Variants in TOX observed in about 807,000 individuals in gnomAD.
The protein encoded by TOX is thymocyte selection-associated high mobility group box protein TOX.
A neutral mutation model predicts 53.7 loss-of-function variants in TOX; 11 were observed. The ratio of observed to expected loss-of-function variants is 0.20; its 90% CI spans 0.13 to 0.34. The LOEUF is 0.34. Ranked by LOEUF, TOX falls within the 10% of genes least tolerant of loss-of-function variation. The probability of loss-of-function intolerance (pLI) is 1.00; values close to 1 mark genes in which losing one functional copy is unlikely to be tolerated. For missense variants in TOX, 570 were observed against 664.6 expected, an observed-to-expected ratio of 0.86 and a Z score of 1.56; for synonymous variants, 225 against 245.3, an observed-to-expected ratio of 0.92 and a Z score of 0.77.
intron 3 of TOX, among the ~76,000 whole-genome samples, chr8:58,864,066 T>C (rs1811056293): frequency 6.6e-6 from 1 of 152,154 alleles, no homozygotes; most frequent in Non-Finnish European, 1.5e-5. Context: ...TCTAATTGTT[T>C]GACAGTCAGT....
At chr8:58,936,340 A>T (rs1812344668) in intron 3 of TOX, among the ~76,000 whole-genome samples, 1 of 151,324 alleles carries the variant, frequency 6.6e-6, no homozygotes, top group Admixed American at 6.6e-5. Flanking sequence ...AGAGTATAAA[A>T]CTCTTTCAAC....
rs1805123443 is a variant in TOX, at chr8:59,117,503, C to G, written c.102+1383G>C. Among the ~76,000 whole-genome samples the G allele has an allele frequency of 6.6e-6, 1 of 152,238 alleles. No individual in the cohort carries two copies. The highest frequency in any genetic ancestry group is 2.1e-4 in the South Asian group (1 of 4,830). On this transcript the variant is annotated intron_variant, in intron 1 of 8. Coordinates refer to ENST00000361421, the MANE Select transcript of TOX (RefSeq NM_014729.3). This position sits in a 1 kb window ranked among gnomAD's most constrained non-coding sequence, Gnocchi z 4.6. ...CTTTGAGTGGGTCTCACACTGGACA[C>G]AGCATCGAGGAGCTTCTCCACGGGG...
At chr8:59,040,842 C>T (rs1803568975) in intron 1 of TOX, among the ~76,000 whole-genome samples, 1 of 152,218 alleles carries the variant, frequency 6.6e-6, no homozygotes, top group South Asian at 2.1e-4. Flanking sequence ...GACCCTCCCA[C>T]TCCCCTCACT....
At chr8:59,025,487 T>C (rs76753914) in intron 1 of TOX, among the ~76,000 whole-genome samples, 2,540 of 151,012 alleles carry the variant, frequency 0.017, 71 homozygotes, top group African/African-American at 0.058. Context: ...TTTACGTTCT[T>C]AGCCAGGCAC....
intron 1 of TOX, among the ~76,000 whole-genome samples, chr8:59,041,707 G>A (rs942309829): frequency 6.6e-6 from 1 of 152,126 alleles, no homozygotes; most frequent in African/African-American, 2.4e-5. Flanking sequence ...ACATATGGTA[G>A]GAAAACAATA....
chr8:59,075,579 C>T (rs1804278349), intron 1 of TOX, among the ~76,000 whole-genome samples: 1 of 152,172 alleles, frequency 6.6e-6, no homozygotes, highest in African/African-American at 2.4e-5. Context: ...AAGCTTTTCT[C>T]TTGCCAATCT....
At chr8:58,925,866 C>T (rs1812150348) in intron 3 of TOX, among the ~76,000 whole-genome samples, 1 of 152,206 alleles carries the variant, frequency 6.6e-6, no homozygotes, top group East Asian at 1.9e-4. Context: ...CTATAGCTTT[C>T]TGCCACCTGA....
intron 3 of TOX, among the ~76,000 whole-genome samples, chr8:58,894,336 T>A (rs1340617667): frequency 6.6e-6 from 1 of 152,212 alleles, no homozygotes; most frequent in Non-Finnish European, 1.5e-5. Context: ...CTCCACTTTG[T>A]AGATGAATTA....
chr8:59,030,202 C>A (rs752492396), intron 1 of TOX, among the ~76,000 whole-genome samples: 1 of 152,076 alleles, frequency 6.6e-6, no homozygotes, highest in Non-Finnish European at 1.5e-5. Flanking sequence ...TAGAGGTCTG[C>A]AAAAGTCATT....
intron 1 of TOX, among the ~76,000 whole-genome samples, chr8:59,067,748 TC>T (rs144594604): frequency 0.024 from 3,638 of 151,716 alleles, 74 homozygotes; most frequent in Non-Finnish European, 0.035. Context: ...AAAAACTCCA[TC>T]CCTGATTACA....
intron 3 of TOX, among the ~76,000 whole-genome samples, chr8:58,858,224 T>TA (rs1810947756): frequency 6.6e-6 from 1 of 152,216 alleles, no homozygotes; most frequent in Non-Finnish European, 1.5e-5. Context: ...GAAATAGTGT[T>TA]AAAATCACAT....
At chr8:58,968,539 G>A (rs1001755479) in intron 1 of TOX, among the ~76,000 whole-genome samples, 1 of 152,104 alleles carries the variant, frequency 6.6e-6, no homozygotes, top group Non-Finnish European at 1.5e-5. Flanking sequence ...ACTTGCTGCC[G>A]AAACTCACTT....
In TOX at chr8:59,059,923, C is replaced by A. The variant is rs1258675801; in HGVS notation, c.102+58963G>T. 4.0e-5 allele frequency among the ~76,000 whole-genome samples: 6 copies of A among 150,022 alleles called. No homozygotes were observed. The South Asian group carries it at 8.4e-4, about 21-fold the overall frequency. On this transcript the variant is annotated intron_variant, in intron 1 of 8. Transcript: ENST00000361421. ...TTATGTTGTAAAAAAAAAAAAAAAT[C>A]TTTTAGAAAGAAAATCATCTAGATT...
intron 1 of TOX, among the ~76,000 whole-genome samples, chr8:59,018,103 A>C (rs530714523): frequency 2.0e-5 from 3 of 152,244 alleles, no homozygotes; most frequent in Admixed American, 2.0e-4. Flanking sequence ...ATAAATTCCA[A>C]GCAAAGACTG....
chr8:58,933,271 C>A (rs1190611734), intron 3 of TOX, among the ~76,000 whole-genome samples: 2 of 152,130 alleles, frequency 1.3e-5, no homozygotes, highest in Admixed American at 1.3e-4. Flanking sequence ...TTTTCCCGTT[C>A]ACCAATCCAT....
intron 1 of TOX, among the ~76,000 whole-genome samples, chr8:58,962,519 T>A (rs1812818231): frequency 6.6e-6 from 1 of 152,238 alleles, no homozygotes; most frequent in Non-Finnish European, 1.5e-5. Flanking sequence ...CCAGGACCCC[T>A]GGCTTTTTAG....
At chr8:58,944,137 T>C (rs1235495863) in intron 2 of TOX, among the ~76,000 whole-genome samples, 1 of 152,202 alleles carries the variant, frequency 6.6e-6, no homozygotes, top group Non-Finnish European at 1.5e-5. Flanking sequence ...GAGGTGTTGC[T>C]AGTGCTGAGC....
chr8:58,874,941 A>G (rs1426280750), intron 3 of TOX, among the ~76,000 whole-genome samples: 1 of 152,238 alleles, frequency 6.6e-6, no homozygotes, highest in Non-Finnish European at 1.5e-5. Context: ...GAAAGTTCAC[A>G]AATTTGTGTG....
chr8:58,977,663 T>C (rs1391717386), intron 1 of TOX, among the ~76,000 whole-genome samples: 1 of 152,164 alleles, frequency 6.6e-6, no homozygotes, highest in Non-Finnish European at 1.5e-5. Flanking sequence ...TGGAGGCCAT[T>C]GTAGGGCTAT....
Sources: gnomAD v4.1 joint callset for allele counts (sites outside exome capture counted in the v4.1 genomes callset) on GRCh38, gnomAD v4.1.1 for gene constraint, Gnocchi (gnomAD v3.1) non-coding constraint, MANE v1.5 for transcripts, NCBI Gene and HGNC (gene_info 2026-07-23, HGNC 2026-07-21) for gene names.